Variants in ATRNL1 observed in about 807,000 individuals in gnomAD.
ATRNL1 encodes attractin like 1, also known as attractin-like protein 1.
In ATRNL1, 95 loss-of-function variants were observed where a neutral mutation model predicts 182.7. The observed-to-expected ratio is 0.52, with a 90% CI of 0.44 to 0.62. ATRNL1 has a LOEUF of 0.62. ATRNL1 is among the 20% of genes least tolerant of loss of function. The pLI, the probability that ATRNL1 is intolerant of heterozygous loss-of-function variation, is 0.00. For missense variants in ATRNL1, 1,471 were observed against 1,679.5 expected (o/e 0.88, Z 2.17); for synonymous variants, 576 against 568.3 (o/e 1.01, Z -0.19).
chr10:115,860,921 C>G (rs1353382874), intron 28 of ATRNL1, among the ~76,000 whole-genome samples: 1 of 152,126 alleles, frequency 6.6e-6, no homozygotes, highest in Non-Finnish European at 1.5e-5. Flanking sequence ...AGTTCAGGTT[C>G]AATACAGCAC....
intron 25 of ATRNL1, among the ~76,000 whole-genome samples, chr10:115,533,560 G>A (rs1851749149): frequency 6.6e-6 from 1 of 152,058 alleles, no homozygotes; most frequent in Non-Finnish European, 1.5e-5. Context: ...CCAGCTCCTG[G>A]ATTCATTAAT....
intron 27 of ATRNL1, among the ~76,000 whole-genome samples, chr10:115,756,857 G>T (rs1948603672): frequency 6.6e-6 from 1 of 152,104 alleles, no homozygotes; most frequent in Admixed American, 6.6e-5. Flanking sequence ...TGTATTCGGT[G>T]CATATATATT....
At chr10:115,635,770 A>C (rs1555027892) in intron 26 of ATRNL1, among the ~76,000 whole-genome samples, 1 of 152,158 alleles carries the variant, frequency 6.6e-6, no homozygotes, top group Admixed American at 6.5e-5. Flanking sequence ...AACAAAAGAT[A>C]GTAATGGTAT....
At chr10:115,820,826 A>G (rs1555090059) in intron 27 of ATRNL1, among the ~76,000 whole-genome samples, 1 of 151,988 alleles carries the variant, frequency 6.6e-6, no homozygotes, top group African/African-American at 2.4e-5. Context: ...GGTAGATGAT[A>G]TGGTTTGGCT....
At chr10:115,528,377 T>A (rs1475291668) in intron 25 of ATRNL1, among the ~76,000 whole-genome samples, 1 of 152,126 alleles carries the variant, frequency 6.6e-6, no homozygotes, top group African/African-American at 2.4e-5. Context: ...TAGGGATTTG[T>A]CCATTTCACC....
intron 5 of ATRNL1, among the ~76,000 whole-genome samples, chr10:115,142,745 G>A (rs893858421): frequency 2.0e-5 from 3 of 152,146 alleles, no homozygotes; most frequent in Non-Finnish European, 4.4e-5. Context: ...ATGGTAGCTT[G>A]GACAGGTTGG....
At chr10:115,388,486 C>A (rs1482285816) in intron 19 of ATRNL1, among the ~76,000 whole-genome samples, 4 of 151,918 alleles carry the variant, frequency 2.6e-5, no homozygotes, top group Non-Finnish European at 4.4e-5. Context: ...GCCTGGTAAA[C>A]CTTCTCTATC....
At chr10:115,703,704 T>C (rs1330442481) in intron 26 of ATRNL1, among the ~76,000 whole-genome samples, 1 of 151,758 alleles carries the variant, frequency 6.6e-6, no homozygotes, top group East Asian at 1.9e-4. Flanking sequence ...TATAATCTTT[T>C]GTATATTTAA....
chr10:115,712,563 C>T (rs1457263365), intron 26 of ATRNL1, among the ~76,000 whole-genome samples: 2 of 152,130 alleles, frequency 1.3e-5, no homozygotes, highest in African/African-American at 4.8e-5. Context: ...TTGCTGCCTT[C>T]TTGCAAGATT....
chr10:115,389,573 T>TAC (rs1843901950), intron 19 of ATRNL1, among the ~76,000 whole-genome samples: 1 of 119,252 alleles, frequency 8.4e-6, no homozygotes. Flanking sequence ...TATATATATA[T>TAC]ATATATATAT....
chr10:115,368,903 G>A (rs1036654454), intron 19 of ATRNL1, among the ~76,000 whole-genome samples: 6 of 151,938 alleles, frequency 3.9e-5, no homozygotes, highest in Non-Finnish European at 5.9e-5. Flanking sequence ...TAGTAGAGAC[G>A]GGGTTTCACC....
chr10:115,578,154 C>A (rs572134987), intron 26 of ATRNL1, among the ~76,000 whole-genome samples: 2 of 151,750 alleles, frequency 1.3e-5, no homozygotes, highest in African/African-American at 2.4e-5. Context: ...ATTTAGTTTG[C>A]GAGTTTTTTG....
chr10:115,234,948 T>C (rs548999861), intron 9 of ATRNL1, among the ~76,000 whole-genome samples: 1 of 152,284 alleles, frequency 6.6e-6, no homozygotes, highest in East Asian at 1.9e-4. Flanking sequence ...CTTTTTATAC[T>C]CTCCTTCTCA....
intron 19 of ATRNL1, among the ~76,000 whole-genome samples, chr10:115,369,704 G>C (rs781788471): frequency 6.6e-6 from 1 of 152,032 alleles, no homozygotes; most frequent in Non-Finnish European, 1.5e-5. Context: ...ATGTACAAAG[G>C]TTCCCTTTTT....
In ATRNL1 at chr10:115,779,730, T is replaced by C. The variant is rs533558721; in HGVS notation, c.3903+52375T>C. On this transcript the variant is annotated intron_variant, in intron 27 of 28. Transcript: ENST00000355044. ...TAGATTACACTGAATAGATTAGAAC[T>C]TAGCTTTTACAGGAAATACTCTCAA... Among the ~76,000 whole-genome samples, 55 of 152,356 alleles carry C rather than the reference T, an allele frequency of 3.6e-4. 1 individual carries two copies. In the South Asian group the frequency reaches 0.011, roughly 31 times the overall value.
At chr10:115,289,054 G>A (rs1352212483) in intron 15 of ATRNL1, among the ~76,000 whole-genome samples, 1 of 152,160 alleles carries the variant, frequency 6.6e-6, no homozygotes, top group Non-Finnish European at 1.5e-5. Context: ...AGTTCCACAT[G>A]GCTGGGGAGG....
At chr10:115,286,673 A>G (rs911076854) in intron 15 of ATRNL1, among the ~76,000 whole-genome samples, 1 of 152,014 alleles carries the variant, frequency 6.6e-6, no homozygotes, top group Non-Finnish European at 1.5e-5. Context: ...TAATTTAAGA[A>G]TTATAACTGC....
chr10:115,095,249 G>A (rs782467634), intron 1 of ATRNL1, among the ~76,000 whole-genome samples: 5 of 152,162 alleles, frequency 3.3e-5, no homozygotes, highest in Admixed American at 6.5e-5. Flanking sequence ...TAGGCTGATA[G>A]CCAAAATCTA....
rs559694042 is a variant in ATRNL1 at position 115,320,948 on chromosome 10, C to T, written c.3037+5212C>T. Reference sequence around the variant, plus strand: ...TTGTGATCATTCGGAGGAGAATAGGCGCTTTGGCCTTTGGGTTTTTGGCAT... The same window carrying T: ...TTGTGATCATTCGGAGGAGAATAGGTGCTTTGGCCTTTGGGTTTTTGGCAT... On this transcript the variant is annotated intron_variant, in intron 18 of 28. Coordinates refer to ENST00000355044, the MANE Select transcript of ATRNL1 (RefSeq NM_207303.4). 1.3e-4 allele frequency among the ~76,000 whole-genome samples: 20 copies of T among 152,220 alleles called. 1 individual carries two copies. The East Asian group carries it at 2.1e-3, about 16-fold the overall frequency.
Sources: gnomAD v4.1 joint callset for allele counts (sites outside exome capture counted in the v4.1 genomes callset) on GRCh38, gnomAD v4.1.1 for gene constraint, MANE v1.5 for transcripts, NCBI Gene and HGNC (gene_info 2026-07-23, HGNC 2026-07-21) for gene names.